LRRIQ1: variants seen among roughly 807,000 people sequenced by gnomAD.
LRRIQ1 encodes leucine rich repeats and IQ motif containing 1.
Under a neutral mutation model 211.9 loss-of-function variants are expected in LRRIQ1, and 210 were observed. The ratio of observed to expected loss-of-function variants is 0.99; its 90% CI spans 0.89 to 1.11. LRRIQ1 has a LOEUF of 1.11. Ranked by LOEUF, LRRIQ1 falls within the 50% of genes most tolerant of loss-of-function variation. The probability of loss-of-function intolerance (pLI) is 0.00; values close to 1 mark genes in which losing one functional copy is unlikely to be tolerated. For missense variants in LRRIQ1, 2,136 were observed against 1,939.5 expected (o/e 1.10, Z -1.90); for synonymous variants, 699 against 650.1 (o/e 1.08, Z -1.14).
At position 85,176,081 on chromosome 12, in the gene LRRIQ1, G is replaced by A. The variant is rs1389700246; in HGVS notation, c.4822+15367G>A. 5.9e-5 allele frequency among the ~76,000 whole-genome samples: 9 copies of A among 152,110 alleles called. No homozygotes were observed. In the South Asian group the frequency reaches 6.2e-4, roughly 11 times the overall value. On this transcript the variant is annotated intron_variant, in intron 24 of 26. Transcript: ENST00000393217. ...GCTTGATGGGGATGGCATTGAATCT[G>A]TAAATTACCTTGGGCAGTATGGCCA...
chr12:85,090,056 C>T (rs1885223227), intron 11 of LRRIQ1, among the ~76,000 whole-genome samples: 1 of 152,236 alleles, frequency 6.6e-6, no homozygotes, highest in South Asian at 2.1e-4. Context: ...GCTGCTCTAG[C>T]TCCAGCTGTG....
intron 1 of LRRIQ1, among the ~76,000 whole-genome samples, chr12:85,256,704 A>G (rs1012755270): frequency 1.3e-5 from 2 of 151,546 alleles, no homozygotes; most frequent in African/African-American, 4.8e-5. Context: ...AGTCAAATAG[A>G]AAGCAACTAC....
intron 24 of LRRIQ1, among the ~76,000 whole-genome samples, chr12:85,208,766 A>G (rs1268483395): frequency 6.6e-6 from 1 of 152,180 alleles, no homozygotes; most frequent in Admixed American, 6.5e-5. Flanking sequence ...GTTACTATGC[A>G]TTATCTATGC....
Position 85,229,664 on chromosome 12 carries a change from T to G in LRRIQ1, c.4955+15T>G. ...AATATGAAATGGTGAGGTCATTTCCTCTAAATTAGATTTTTGTATTGTAAA... is the reference window on the plus strand; with the variant it reads ...AATATGAAATGGTGAGGTCATTTCCGCTAAATTAGATTTTTGTATTGTAAA... On this transcript the variant is annotated intron_variant, in intron 25 of 26. Transcript: ENST00000393217. The G allele has an allele frequency of 6.2e-7, 1 of 1,603,240 alleles. No individual in the cohort carries two copies. The highest frequency in any genetic ancestry group is 8.5e-7 in the Non-Finnish European group (1 of 1,176,958).
intron 15 of LRRIQ1, among the ~76,000 whole-genome samples, chr12:85,112,058 G>A (rs766224981): frequency 2.0e-4 from 31 of 151,836 alleles, no homozygotes; most frequent in Non-Finnish European, 4.4e-4. Context: ...ATGTTTGCAT[G>A]CACAGTTTTC....
At position 85,261,784 on chromosome 12, in the gene LRRIQ1, T is replaced by TATTTATTC. The variant is rs1464448450; in HGVS notation, c.122-1124_122-1123insCATTTATT. On this transcript the variant is annotated intron_variant, in intron 1 of 1. Coordinates refer to the LRRIQ1 transcript ENST00000602731. ...TGTTTATTTTATTTATTTATTTATT[T>TATTTATTC]ATTTATTTATTTATTTATTTTTGAG... Among the ~76,000 whole-genome samples, 11 of 147,276 alleles carry TATTTATTC rather than the reference T, an allele frequency of 7.5e-5. No homozygotes were observed. The East Asian group carries it at 2.1e-3, about 29-fold the overall frequency.
chr12:85,220,561 C>T (rs1894349941), intron 24 of LRRIQ1, among the ~76,000 whole-genome samples: 1 of 151,402 alleles, frequency 6.6e-6, no homozygotes, highest in South Asian at 2.1e-4. Flanking sequence ...ATATTTCAAA[C>T]ATTTTATAAA....
chr12:85,262,285 A>G (rs552531357), intron 1 of LRRIQ1, among the ~76,000 whole-genome samples: 1 of 152,220 alleles, frequency 6.6e-6, no homozygotes, highest in South Asian at 2.1e-4. Context: ...CACTTACAAC[A>G]TAATCAGAAA....
intron 23 of LRRIQ1, chr12:85,159,588 G>A (rs1890751661): frequency 6.6e-6 from 1 of 151,960 alleles, no homozygotes; most frequent in African/African-American, 2.4e-5. Flanking sequence ...TTGGCACTAG[G>A]ATCTAACCCA....
Position 85,244,811 on chromosome 12 carries a change from A to C in LRRIQ1, c.5039A>C (p.Asp1680Ala). 1 of 1,611,510 alleles carries C rather than the reference A, an allele frequency of 6.2e-7. No individual in the cohort carries two copies. Among genetic ancestry groups the C allele is most frequent in the South Asian group, 1.1e-5 (1 of 90,980 alleles). Reference sequence around the variant, plus strand: ...CAGGCAAGACTTGTAAGCAGAGAAGACACGGATTTAGACCTTTTTTCCATG... The same window carrying C: ...CAGGCAAGACTTGTAAGCAGAGAAGCCACGGATTTAGACCTTTTTTCCATG... The part of the protein sequence containing the change: ...QLVARLVSRE[D>A]TDLDLFSMTN... Residue 1680 changes from aspartate to alanine, a missense_variant, in exon 27 of 27, where the codon GAC becomes GCC. By Grantham distance (126) the Asp-to-Ala change is moderately radical. Coordinates refer to ENST00000393217, the MANE Select transcript of LRRIQ1 (RefSeq NM_001079910.2).
downstream of LRRIQ1, among the ~76,000 whole-genome samples, chr12:85,248,835 A>G (rs1055251542): frequency 6.6e-6 from 1 of 151,742 alleles, no homozygotes; most frequent in Non-Finnish European, 1.5e-5. Context: ...AGTAAAGGAT[A>G]AAATATGAAT....
chr12:85,163,826 T>A (rs1020157325), intron 24 of LRRIQ1, among the ~76,000 whole-genome samples: 8 of 152,146 alleles, frequency 5.3e-5, no homozygotes, highest in African/African-American at 1.9e-4. Context: ...CAGGATGTTC[T>A]TCTATTTTTT....
chr12:85,053,776 C>T (rs967456815), intron 7 of LRRIQ1, among the ~76,000 whole-genome samples: 1 of 152,128 alleles, frequency 6.6e-6, no homozygotes. Flanking sequence ...GGCGCCATCT[C>T]GGCTCACTTC....
intron 13 of LRRIQ1, 145 bp from the exon 14 acceptor site, chr12:85,103,859 C>G (rs1428330409): frequency 6.4e-6 from 2 of 313,414 alleles, no homozygotes; most frequent in African/African-American, 2.2e-5. Flanking sequence ...TTTTATTGTA[C>G]AATTATAATT....
At position 85,229,487 on chromosome 12, in the gene LRRIQ1, A is replaced by G. The variant is rs756617974; in HGVS notation, c.4823-30A>G. ...GGCCAAAGTTTGGTCTCTTTAAATA[A>G]TAAGTACACGTTCCATATTTCTTTC... On this transcript the variant is annotated intron_variant, in intron 24 of 26. Coordinates refer to ENST00000393217, the MANE Select transcript of LRRIQ1 (RefSeq NM_001079910.2). 12 of 1,557,716 alleles carry G rather than the reference A, an allele frequency of 7.7e-6. No individual in the cohort carries two copies. In the Admixed American group the frequency reaches 1.7e-4, roughly 22 times the overall value.
chr12:85,104,143 G>A (rs1886604200), intron 14 of LRRIQ1, 66 bp downstream of exon 14: 1 of 817,094 alleles, frequency 1.2e-6, no homozygotes, highest in Non-Finnish European at 1.8e-6. Flanking sequence ...AATATGATAA[G>A]GGGTTGTTTT....
At chr12:85,174,701 C>CAATAAAAAA (rs1891596568) in intron 24 of LRRIQ1, among the ~76,000 whole-genome samples, 1 of 21,614 alleles carries the variant, frequency 4.6e-5, no homozygotes, top group African/African-American at 3.1e-4. Context: ...GAGTACAGCT[C>CAATAAAAAA]AAAAAAAAAA....
chr12:85,235,711 A>T (rs1328309806), intron 26 of LRRIQ1, among the ~76,000 whole-genome samples: 1 of 152,170 alleles, frequency 6.6e-6, no homozygotes, highest in Non-Finnish European at 1.5e-5. Context: ...TATCAAGGCA[A>T]GTTTAGTATT....
intron 24 of LRRIQ1, among the ~76,000 whole-genome samples, chr12:85,204,366 C>T (rs750748113): frequency 6.6e-6 from 1 of 152,226 alleles, no homozygotes; most frequent in East Asian, 1.9e-4. Context: ...AGAGCCCCTA[C>T]TGGGGCACCA....
Sources: allele counts gnomAD v4.1 joint callset (sites outside exome capture counted in the v4.1 genomes callset), GRCh38; gene constraint gnomAD v4.1.1; transcripts MANE v1.5; gene names NCBI Gene and HGNC (gene_info 2026-07-23, HGNC 2026-07-21).